Variants in CD53 observed in about 807,000 individuals in gnomAD.
CD53 encodes the protein leukocyte surface antigen CD53.
A neutral mutation model predicts 27.3 loss-of-function variants in CD53; 20 were observed. The ratio of observed to expected loss-of-function variants is 0.73; its 90% CI spans 0.52 to 1.07. CD53 has a LOEUF of 1.07. Ranked by LOEUF, CD53 falls within the 50% of genes least tolerant of loss-of-function variation. CD53 has a pLI of 0.00. For synonymous variants in CD53, 106 were observed against 105.3 expected, an observed-to-expected ratio of 1.01 and a Z score of -0.04; for missense variants, 216 against 264.0, an observed-to-expected ratio of 0.82 and a Z score of 1.26.
Position 110,899,255 on chromosome 1 carries a change from T to C in CD53, c.*60T>C. On this transcript the variant is annotated 3_prime_UTR_variant, in exon 8 of 8. Transcript: ENST00000271324. ...ATCTCCGGAAATGCAAAACCATTTA[T>C]AGCATGAAGCCCTACATGATCACTG... 1 of 1,206,244 alleles carries C rather than the reference T, an allele frequency of 8.3e-7. No homozygotes were observed. Among genetic ancestry groups the C allele is most frequent in the Non-Finnish European group, 1.2e-6 (1 of 810,468 alleles). 74.7% of individuals were successfully genotyped at this position (1,206,244 alleles called of 1,614,324 possible).
intron 1 of CD53, among the ~76,000 whole-genome samples, 182 bp downstream of exon 1, chr1:110,873,430 G>C (rs1372401611): frequency 1.3e-5 from 2 of 152,148 alleles, no homozygotes; most frequent in Non-Finnish European, 2.9e-5. Flanking sequence ...AGGCAATCAG[G>C]CCAGAAATAC....
intron 1 of CD53, among the ~76,000 whole-genome samples, chr1:110,879,973 G>C (rs1002843620): frequency 3.3e-5 from 5 of 152,118 alleles, no homozygotes; most frequent in African/African-American, 1.2e-4. Context: ...AAAAAAGACA[G>C]GGATGGAATT....
At chr1:110,877,412 T>C (rs1290001883) in intron 1 of CD53, among the ~76,000 whole-genome samples, 4 of 152,190 alleles carry the variant, frequency 2.6e-5, no homozygotes, top group African/African-American at 9.7e-5. Context: ...GTTCTGCATA[T>C]TTCTACCTAG....
At chr1:110,895,134 T>C (rs1657008984) in intron 5 of CD53, 79 bp downstream of exon 5, 1 of 1,050,990 alleles carries the variant, frequency 9.5e-7, no homozygotes, top group Non-Finnish European at 1.5e-6. Context: ...AGTTCCTTTT[T>C]CTGGAAGTTT....
intron 1 of CD53, among the ~76,000 whole-genome samples, chr1:110,890,160 G>A (rs1236907164): frequency 6.6e-6 from 1 of 152,114 alleles, no homozygotes. Context: ...ACTGGAAAAG[G>A]CATAATTTTA....
chr1:110,871,847 A>ACACACACC (rs769082440), upstream of CD53, among the ~76,000 whole-genome samples: 1 of 147,466 alleles, frequency 6.8e-6, no homozygotes, highest in Non-Finnish European at 1.5e-5. Context: ...ACACACACAC[A>ACACACACC]CCACACAGTT....
At chr1:110,887,748 C>T (rs903030473) in intron 1 of CD53, among the ~76,000 whole-genome samples, 1 of 152,160 alleles carries the variant, frequency 6.6e-6, no homozygotes, top group African/African-American at 2.4e-5. Flanking sequence ...GTCACTGGTG[C>T]TGTGTGAATG....
intron 5 of CD53, among the ~76,000 whole-genome samples, chr1:110,896,200 G>A (rs1026007237): frequency 6.6e-6 from 1 of 152,180 alleles, no homozygotes; most frequent in African/African-American, 2.4e-5. Context: ...TGGTATCAGG[G>A]AGTCTCTGTC....
chr1:110,874,235 G>C (rs1172459506), intron 1 of CD53, among the ~76,000 whole-genome samples: 1 of 152,182 alleles, frequency 6.6e-6, no homozygotes, highest in South Asian at 2.1e-4. Flanking sequence ...TTCCAAGAGG[G>C]GTGGGGACGG....
rs1222213477 is a variant in CD53, at chr1:110,878,642, G to GT, written c.-18+5395dup. On this transcript the variant is annotated intron_variant, in intron 1 of 7. Coordinates refer to ENST00000271324, the MANE Select transcript of CD53 (RefSeq NM_000560.4). ...ACTTTTTCTAATAGGTTTGAATGGA[G>GT]TAAGAAATGTGTTCTAATAATATAT... 1.5e-4 allele frequency among the ~76,000 whole-genome samples: 23 copies of GT among 152,226 alleles called. No individual in the cohort carries two copies. The East Asian group carries it at 4.4e-3, about 29-fold the overall frequency.
rs200779902 is a variant in CD53 at position 110,892,433 on chromosome 1, C to A, written c.152C>A (p.Thr51Lys). 4 of 1,613,978 alleles carry A rather than the reference C, an allele frequency of 2.5e-6. No individual in the cohort carries two copies. The East Asian group carries it at 6.7e-5, about 27-fold the overall frequency. Residue 51 changes from threonine (T) to lysine (K), a missense_variant, in exon 3 of 8, where the codon ACG (threonine) becomes AAG (lysine). By Grantham distance (78) the Thr-to-Lys change is moderately conservative. Coordinates refer to ENST00000271324, the MANE Select transcript of CD53 (RefSeq NM_000560.4). Reference protein sequence around the residue: ...GVLFHNLPSLTLGNVFVIVGS... With the variant: ...GVLFHNLPSLKLGNVFVIVGS... ...CTCTTCCATAACCTCCCCTCCCTCACGCTGGGCAATGTGTTTGTCATCGTG... is the reference window on the plus strand; with the variant it reads ...CTCTTCCATAACCTCCCCTCCCTCAAGCTGGGCAATGTGTTTGTCATCGTG...
At position 110,899,674 on chromosome 1, in the gene CD53, G is replaced by T; in HGVS notation, c.*479G>T. The T allele has an allele frequency of 6.2e-6, 1 of 160,114 alleles. No individual in the cohort carries two copies. Among genetic ancestry groups the T allele is most frequent in the South Asian group, 1.8e-4 (1 of 5,610 alleles). 9.9% of individuals were successfully genotyped at this position (160,114 alleles called of 1,614,324 possible). Reference sequence around the variant, plus strand: ...CTGTTTCTCTTTGACTAAGTGCCCTGGCTACAGGAATTACACAGTTCTCTT... The same window carrying T: ...CTGTTTCTCTTTGACTAAGTGCCCTTGCTACAGGAATTACACAGTTCTCTT... On this transcript the variant is annotated 3_prime_UTR_variant, in exon 8 of 8. Coordinates refer to ENST00000271324, the MANE Select transcript of CD53 (RefSeq NM_000560.4).
intron 1 of CD53, among the ~76,000 whole-genome samples, chr1:110,888,127 C>T (rs1006386926): frequency 2.0e-5 from 3 of 152,202 alleles, no homozygotes; most frequent in Non-Finnish European, 2.9e-5. Context: ...AACAAATTCT[C>T]TCCCTGAGCC....
At chr1:110,894,933 C>T (rs372336276) in intron 4 of CD53, 27 bp from the exon 5 acceptor site, 12 of 1,568,900 alleles carry the variant, frequency 7.6e-6, no homozygotes, top group Non-Finnish European at 1.1e-5. Flanking sequence ...TTTACCATGT[C>T]TCCTCTGCTG....
chr1:110,882,360 ATATAT>A (rs1254350291), intron 1 of CD53, among the ~76,000 whole-genome samples: 1 of 152,006 alleles, frequency 6.6e-6, no homozygotes, highest in East Asian at 1.9e-4. Flanking sequence ...TCATTCTGTA[ATATAT>A]TAATTTTGTA....
chr1:110,893,408 C>T (rs978549861), intron 3 of CD53, among the ~76,000 whole-genome samples: 3 of 152,128 alleles, frequency 2.0e-5, no homozygotes, highest in Admixed American at 6.5e-5. Context: ...CCACAGCCTC[C>T]GCCTCCCGGG....
intron 1 of CD53, among the ~76,000 whole-genome samples, chr1:110,890,077 C>G (rs1282893925): frequency 6.6e-6 from 1 of 152,104 alleles, no homozygotes; most frequent in Non-Finnish European, 1.5e-5. Context: ...GAACTATTCC[C>G]TCAAGACCAT....
chr1:110,891,471 G>A lies in CD53; in HGVS notation c.63G>A (p.Trp21Ter). 1.2e-6 allele frequency: 2 copies of A among 1,610,588 alleles called. No homozygotes were observed. The highest frequency in any genetic ancestry group is 1.7e-6 in the Non-Finnish European group (2 of 1,176,858). The change falls in exon 2 of 8, where the codon TGG (tryptophan) becomes TGA (stop). Residue 21 changes from tryptophan (W) to a stop codon, truncating the protein, a stop_gained and splice_region_variant. Coordinates refer to ENST00000271324, the MANE Select transcript of CD53 (RefSeq NM_000560.4). LOFTEE classifies it high-confidence loss of function. ...TGTTTTTCTTCAACTTGCTCTTTTG[G>A]GTAAGTGTATCTCTTCTGAGCACGG... The part of the protein sequence containing the change: ...YVLFFFNLLF[W>*]ICGCCILGFG...
In CD53 at chr1:110,887,435, C is replaced by T. The variant is rs191974855; in HGVS notation, c.-17-3957C>T. Among the ~76,000 whole-genome samples the T allele has an allele frequency of 4.6e-3, 698 of 152,278 alleles. 4 individuals are homozygous for T. The highest frequency in any genetic ancestry group is 0.01 in the Middle Eastern group (3 of 294). ...AACACCTGGGTTGGTTTTCATCTAT[C>T]GCCATATTATAGGTTGTACTTTCTT... On this transcript the variant is annotated intron_variant, in intron 1 of 7. Transcript: ENST00000271324.
Sources: allele counts gnomAD v4.1 joint callset (sites outside exome capture counted in the v4.1 genomes callset), GRCh38; gene constraint gnomAD v4.1.1; transcripts MANE v1.5; gene names NCBI Gene and HGNC (gene_info 2026-07-23, HGNC 2026-07-21).